KRT20: variants seen among roughly 807,000 people sequenced by gnomAD.
KRT20 encodes keratin, type I cytoskeletal 20.
KRT20 carries 41 observed loss-of-function variants against 43.0 expected under a neutral mutation model. That is an observed-to-expected ratio of 0.95 (90% CI 0.74 to 1.24). The LOEUF is 1.24. Ranked by LOEUF, KRT20 falls within the 50% of genes most tolerant of loss-of-function variation. KRT20 has a pLI of 0.00. For missense variants in KRT20, 533 were observed against 521.2 expected, an observed-to-expected ratio of 1.02 and a Z score of -0.22; for synonymous variants, 207 against 200.6, an observed-to-expected ratio of 1.03 and a Z score of -0.27.
intron 5 of KRT20, among the ~76,000 whole-genome samples, chr17:40,878,569 T>C (rs1456919122): frequency 2.0e-5 from 3 of 152,188 alleles, no homozygotes; most frequent in Non-Finnish European, 4.4e-5. Context: ...TTTCTTTGCT[T>C]GTAGCTTTGC....
At chr17:40,881,996 C>T (rs542375599) in intron 2 of KRT20, among the ~76,000 whole-genome samples, 26 of 152,116 alleles carry the variant, frequency 1.7e-4, no homozygotes, top group South Asian at 2.1e-4. Flanking sequence ...CCTCAGCCTC[C>T]GGAGTAGCTG....
rs1345746727 is a variant in KRT20, at chr17:40,876,486, A to C, written c.1178-28T>G. On this transcript the variant is annotated intron_variant, in intron 7 of 7. Transcript: ENST00000167588. ...GAATTCATATTAAACATTAAATGTT[A>C]ATTCAGGCACATGACTCTGCTGATT... is the stretch of plus-strand genomic sequence containing the variant. 3 of 1,312,802 alleles carry C rather than the reference A, an allele frequency of 2.3e-6. No homozygotes were observed. In the Admixed American group the frequency reaches 5.0e-5, roughly 22 times the overall value. The allele number at this position is 1,312,802 out of a possible 1,614,324, so 81.3% of individuals were successfully genotyped here.
chr17:40,882,738 C>G (rs1907656649), intron 1 of KRT20, 84 bp from the exon 2 acceptor site: 1 of 454,176 alleles, frequency 2.2e-6, no homozygotes, highest in Non-Finnish European at 3.1e-6. Context: ...GAGACAGAAT[C>G]TTGCTCTGTT....
At chr17:40,880,349 C>G in intron 3 of KRT20, 88 bp from the exon 4 acceptor site, 1 of 1,236,882 alleles carries the variant, frequency 8.1e-7, no homozygotes, top group Non-Finnish European at 1.1e-6. Context: ...GTCTCATGAC[C>G]TCTTTCATTG....
At position 40,878,383 on chromosome 17, in the gene KRT20, A is replaced by G; in HGVS notation, c.919-18T>C. ...GACTCTTTCTATGAGCACAAGAAAAATAGGGCACTTCTTATGTGAGGACTT... is the reference window on the plus strand; with the variant it reads ...GACTCTTTCTATGAGCACAAGAAAAGTAGGGCACTTCTTATGTGAGGACTT... On this transcript the variant is annotated intron_variant, in intron 5 of 7. Coordinates refer to ENST00000167588, the MANE Select transcript of KRT20 (RefSeq NM_019010.3). 1 of 1,579,004 alleles carries G rather than the reference A, an allele frequency of 6.3e-7. No homozygotes were observed. The highest frequency in any genetic ancestry group is 8.7e-7 in the Non-Finnish European group (1 of 1,149,162).
chr17:40,884,738 C>G, intron 1 of KRT20, 58 bp downstream of exon 1: 1 of 1,546,438 alleles, frequency 6.5e-7, no homozygotes, highest in Non-Finnish European at 8.8e-7. Context: ...ACATAGATAA[C>G]CTCTTGATTT....
chr17:40,877,430 T>TC lies in KRT20; in HGVS notation c.1140-14_1140-13insG. On this transcript the variant is annotated splice_polypyrimidine_tract_variant and intron_variant, in intron 6 of 7. Coordinates refer to ENST00000167588, the MANE Select transcript of KRT20 (RefSeq NM_019010.3). ...ATATTCTGTAGTTCTGTTTTTTTTT[T>TC]TAATGAAAAGAAGAAAAAAGAAACA... 1 of 1,475,818 alleles carries TC rather than the reference T, an allele frequency of 6.8e-7. No individual in the cohort carries two copies. The highest frequency in any genetic ancestry group is 1.4e-5 in the South Asian group (1 of 72,886). The allele number at this position is 1,475,818 out of a possible 1,614,324, so 91.4% of individuals were successfully genotyped here.
chr17:40,879,935 C>A lies in KRT20; in HGVS notation c.796G>T (p.Ala266Ser). The change falls in exon 5 of 8, where the codon GCA becomes TCA. Residue 266 changes from alanine to serine, a missense_variant. Coordinates refer to ENST00000167588, the MANE Select transcript of KRT20 (RefSeq NM_019010.3). ...EAKEQFERQTAVLQQQVTVNT... is the reference protein window; with the variant it reads ...EAKEQFERQTSVLQQQVTVNT... ...ACTGTGACCTGTTGCTGCAGAACTG[C>A]AGTCTACAGTGCCAAGAGTGAAAAA... The A allele has an allele frequency of 6.2e-7, 1 of 1,613,316 alleles. No homozygotes were observed. The highest frequency in any genetic ancestry group is 8.5e-7 in the Non-Finnish European group (1 of 1,179,890).
In KRT20 at chr17:40,879,807, C is replaced by G. The variant is rs1907509239; in HGVS notation, c.918+6G>C. 3 of 1,612,480 alleles carry G rather than the reference C, an allele frequency of 1.9e-6. No homozygotes were observed. Among genetic ancestry groups the G allele is most frequent in the African/African-American group, 1.3e-5 (1 of 74,306 alleles). On this transcript the variant is annotated splice_donor_region_variant and intron_variant, in intron 5 of 7. Coordinates refer to ENST00000167588, the MANE Select transcript of KRT20 (RefSeq NM_019010.3). ...GATTGAGAAAGAGAAGTTAGATATGCTTTACCATGCTGAGATGGGACTGGA... is the reference window on the plus strand; with the variant it reads ...GATTGAGAAAGAGAAGTTAGATATGGTTTACCATGCTGAGATGGGACTGGA...
At chr17:40,881,821 A>G (rs1377009152) in intron 2 of KRT20, among the ~76,000 whole-genome samples, 1 of 152,088 alleles carries the variant, frequency 6.6e-6, no homozygotes, top group African/African-American at 2.4e-5. Context: ...ATGTGGTGTG[A>G]TGACTACAAA....
intron 1 of KRT20, among the ~76,000 whole-genome samples, 180 bp from the exon 2 acceptor site, chr17:40,882,834 C>T (rs1243413292): frequency 2.6e-5 from 4 of 151,870 alleles, no homozygotes; most frequent in African/African-American, 4.8e-5. Context: ...CTCAGCCTCC[C>T]GAGTAGCTGG....
chr17:40,879,952 A>T lies in KRT20; in HGVS notation c.793-14T>A. 1.2e-6 allele frequency: 2 copies of T among 1,610,282 alleles called. No homozygotes were observed. Among genetic ancestry groups the T allele is most frequent in the Non-Finnish European group, 1.7e-6 (2 of 1,177,790 alleles). On this transcript the variant is annotated splice_polypyrimidine_tract_variant and intron_variant, in intron 4 of 7. Coordinates refer to ENST00000167588, the MANE Select transcript of KRT20 (RefSeq NM_019010.3). ...CAGAACTGCAGTCTACAGTGCCAAG[A>T]GTGAAAAAAAAATAGTTGAGGGGTG...
intron 1 of KRT20, among the ~76,000 whole-genome samples, chr17:40,884,099 A>G (rs1597854122): frequency 6.6e-6 from 1 of 152,326 alleles, no homozygotes; most frequent in Middle Eastern, 3.4e-3. Flanking sequence ...CTTTTATTCC[A>G]TGAAACTGAT....
chr17:40,881,689 C>G (rs16966377), intron 2 of KRT20, among the ~76,000 whole-genome samples: 1,781 of 152,192 alleles, frequency 0.012, 38 homozygotes, highest in African/African-American at 0.04. Flanking sequence ...TTGTTAATCC[C>G]TTGGAGCATT....
intron 5 of KRT20, among the ~76,000 whole-genome samples, chr17:40,878,681 C>G (rs913264636): frequency 6.6e-6 from 1 of 152,198 alleles, no homozygotes; most frequent in African/African-American, 2.4e-5. Flanking sequence ...TCAGACCTGG[C>G]CATGTGATCT....
rs755616166 is a variant in KRT20 at position 40,885,061 on chromosome 17, C to T, written c.125G>A (p.Arg42Gln). 2.5e-6 allele frequency: 4 copies of T among 1,614,148 alleles called. No homozygotes were observed. Among genetic ancestry groups the T allele is most frequent in the Admixed American group, 1.7e-5 (1 of 60,016 alleles). Residue 42 changes from arginine (R) to glutamine (Q), a missense_variant, in exon 1 of 8, where the codon CGG (arginine) becomes CAG (glutamine). Transcript: ENST00000167588. ...TCTGGAGTTGGAGATGCGGATGCCC[C>T]GGCCTCCAGCACCCCCATAAACGCT... ...TPSVYGGAGG[R>Q]GIRISNSRHT...
rs1361471368 is a variant in KRT20 at position 40,885,027 on chromosome 17, C to G, written c.159G>C (p.Val53=). The change falls in exon 1 of 8, where the codon GTG becomes GTC. Residue 53 remains valine (V), a synonymous_variant. Coordinates refer to ENST00000167588, the MANE Select transcript of KRT20 (RefSeq NM_019010.3). ...GIRISNSRHT[V]NYGSDLTGGG... The stretch of plus-strand genomic sequence containing the variant: ...CGCCTGTGAGATCGCTCCCATAGTT[C>G]ACCGTGTGTCTGGAGTTGGAGATGC... 2.5e-6 allele frequency: 4 copies of G among 1,614,196 alleles called. No homozygotes were observed. The highest frequency in any genetic ancestry group is 1.7e-5 in the Admixed American group (1 of 60,026).
chr17:40,880,486 T>C, intron 3 of KRT20, 128 bp downstream of exon 3: 1 of 850,596 alleles, frequency 1.2e-6, no homozygotes, highest in Non-Finnish European at 1.8e-6. Flanking sequence ...ATTATTGTCA[T>C]CGTCATCATC....
Position 40,878,157 on chromosome 17 carries a change from C to T in KRT20, c.1127G>A (p.Gly376Glu), listed in dbSNP as rs1907427754. 4 of 1,613,646 alleles carry T rather than the reference C, an allele frequency of 2.5e-6. No homozygotes were observed. In the African/African-American group the frequency reaches 4.0e-5, roughly 16 times the overall value. The change falls in exon 6 of 8, where the codon GGA (glycine) becomes GAA (glutamate). Residue 376 changes from glycine to glutamate, a missense_variant. Physicochemically the swap from Gly to Glu is moderately conservative, Grantham distance 98. Coordinates refer to ENST00000167588, the MANE Select transcript of KRT20 (RefSeq NM_019010.3). ...EIATYRRLLE[G>E]EDVKTTEYQL... The stretch of plus-strand genomic sequence containing the variant: ...CTAAGAGCCTTACTTTACGTCTTCT[C>T]CTTCCAGAAGGCGGCGGTAAGTAGC...
Sources: allele counts gnomAD v4.1 joint callset (sites outside exome capture counted in the v4.1 genomes callset), GRCh38; gene constraint gnomAD v4.1.1; transcripts MANE v1.5; gene names NCBI Gene and HGNC (gene_info 2026-07-23, HGNC 2026-07-21).